Variants in ANKRD11 observed in about 807,000 individuals in gnomAD.
The protein encoded by ANKRD11 is ankyrin repeat domain 11, also known as ankyrin repeat domain-containing protein 11.
Under a neutral mutation model 195.7 loss-of-function variants are expected in ANKRD11, and 17 were observed. The observed-to-expected ratio is 0.09, with a 90% CI of 0.06 to 0.13. The LOEUF (loss-of-function observed/expected upper bound fraction) is 0.13, where lower values mean the gene tolerates loss of function less well. Among genes scored for constraint, ANKRD11 ranks in the 10% least tolerant of loss-of-function variants. ANKRD11 has a pLI of 1.00. For missense variants in ANKRD11, 3,735 were observed against 3,566.1 expected (o/e 1.05, Z -1.21); for synonymous variants, 1,953 against 1,528.1 (o/e 1.28, Z -6.49).
chr16:89,441,231 G>A (rs932562321), intron 1 of ANKRD11, among the ~76,000 whole-genome samples: 1 of 151,112 alleles, frequency 6.6e-6, no homozygotes. Context: ...GTGAGACTCC[G>A]TCTCAAAAAA....
chr16:89,489,219 ACACACACGCG>A (rs2057721589), intron 1 of ANKRD11: 2 of 107,032 alleles, frequency 1.9e-5, no homozygotes, highest in Non-Finnish European at 4.2e-5. Flanking sequence ...CTACACACAC[ACACACACGCG>A]CGCGCGCGCG....
chr16:89,299,733 G>A (rs1320642205), intron 4 of ANKRD11: 14 of 185,722 alleles, frequency 7.5e-5, no homozygotes, highest in Non-Finnish European at 8.2e-5. Context: ...TGTGGGATGC[G>A]TGGGGTCTGT....
chr16:89,413,263 G>A lies in ANKRD11; in HGVS notation c.-60+5021C>T, dbSNP rs572843823. Among the ~76,000 whole-genome samples the A allele has an allele frequency of 8.5e-5, 13 of 152,260 alleles. No homozygotes were observed. The South Asian group carries it at 1.9e-3, about 22-fold the overall frequency. ...TTATTTATCTTGGCATAATTACTAC[G>A]CATATTTTTTTGATAATAATGGAAG... On this transcript the variant is annotated intron_variant, in intron 2 of 12. Transcript: ENST00000301030.
intron 1 of ANKRD11, among the ~76,000 whole-genome samples, chr16:89,438,164 C>T (rs1359115796): frequency 2.0e-5 from 3 of 152,152 alleles, no homozygotes; most frequent in Non-Finnish European, 2.9e-5. Flanking sequence ...GAGGCTGGCA[C>T]AACTGGTGTC....
At chr16:89,418,143 C>A (rs979221398) in intron 2 of ANKRD11, 141 bp downstream of exon 2, 2 of 392,058 alleles carry the variant, frequency 5.1e-6, no homozygotes, top group African/African-American at 2.0e-5. Flanking sequence ...AAGTGAAATC[C>A]AGAACAAAAT....
chr16:89,290,215 G>A lies in ANKRD11; in HGVS notation c.601+410C>T, dbSNP rs573387739. Among the ~76,000 whole-genome samples the A allele has an allele frequency of 8.6e-5, 13 of 150,308 alleles. No homozygotes were observed. The South Asian group carries it at 2.1e-3, about 25-fold the overall frequency. ...CCATCCAACCCGATGGGAGGCTCACGGCTCCAATGGGGGAGGCTCAGGGCT... is the reference window on the plus strand; with the variant it reads ...CCATCCAACCCGATGGGAGGCTCACAGCTCCAATGGGGGAGGCTCAGGGCT... On this transcript the variant is annotated intron_variant, in intron 6 of 12. Transcript: ENST00000301030.
intron 2 of ANKRD11, among the ~76,000 whole-genome samples, chr16:89,344,301 T>C (rs775122305): frequency 6.6e-4 from 101 of 152,274 alleles, no homozygotes; most frequent in Non-Finnish European, 2.5e-4. Flanking sequence ...AGCTAACAGA[T>C]GGTATTATTT....
chr16:89,388,137 A>G (rs952050637), intron 2 of ANKRD11, among the ~76,000 whole-genome samples: 2 of 152,116 alleles, frequency 1.3e-5, no homozygotes, highest in Admixed American at 1.3e-4. Context: ...TAATGCTAAC[A>G]TCATACATAA....
intron 2 of ANKRD11, among the ~76,000 whole-genome samples, chr16:89,336,284 G>A (rs1401565482): frequency 6.6e-6 from 1 of 152,150 alleles, no homozygotes; most frequent in East Asian, 1.9e-4. Context: ...CAGGTGCCGG[G>A]GAGCAGCCAC....
intron 2 of ANKRD11, among the ~76,000 whole-genome samples, chr16:89,319,809 T>A (rs2037194770): frequency 6.6e-6 from 1 of 152,226 alleles, no homozygotes; most frequent in Non-Finnish European, 1.5e-5. Flanking sequence ...TCTAGAGTCT[T>A]TTTCAATGAG....
At chr16:89,268,773 A>C in intron 12 of ANKRD11, 110 bp from the exon 13 acceptor site, 1 of 1,304,780 alleles carries the variant, frequency 7.7e-7, no homozygotes. Flanking sequence ...CCGTGAACCT[A>C]CCCTGGTATG....
At chr16:89,306,880 A>ACAGACACGCGCCACCTACCTCCCACTCCG (rs2036307010) in intron 3 of ANKRD11, among the ~76,000 whole-genome samples, 2 of 63,610 alleles carry the variant, frequency 3.1e-5, no homozygotes, top group Non-Finnish European at 6.4e-5. Context: ...CTCCCACTCC[A>ACAGACACGCGCCACCTACCTCCCACTCCG]CAGACACGCG....
At chr16:89,384,123 G>C (rs763719705) in intron 2 of ANKRD11, among the ~76,000 whole-genome samples, 7 of 152,216 alleles carry the variant, frequency 4.6e-5, no homozygotes, top group Non-Finnish European at 1.0e-4. Flanking sequence ...AGGAGGCCGA[G>C]GCAGGGAGAG....
intron 1 of ANKRD11, among the ~76,000 whole-genome samples, chr16:89,435,201 C>G (rs2043161292): frequency 6.6e-6 from 1 of 152,196 alleles, no homozygotes; most frequent in Admixed American, 6.5e-5. Flanking sequence ...AATCAGCACT[C>G]TGTGTCTAGC....
intron 2 of ANKRD11, among the ~76,000 whole-genome samples, chr16:89,343,246 G>A (rs549189783): frequency 2.0e-5 from 3 of 152,290 alleles, no homozygotes; most frequent in Admixed American, 1.3e-4. Flanking sequence ...ACCCAGCTCG[G>A]CCTCCCGAAG....
At chr16:89,333,573 C>T (rs2038179591) in intron 2 of ANKRD11, among the ~76,000 whole-genome samples, 2 of 152,222 alleles carry the variant, frequency 1.3e-5, no homozygotes, top group Non-Finnish European at 2.9e-5. Context: ...GTGCTGTCTG[C>T]ACAGTTTTGC....
In ANKRD11 at chr16:89,282,657, G is replaced by T. The variant is rs147981590; in HGVS notation, c.3885C>A (p.Asp1295Glu). The stretch of plus-strand genomic sequence containing the variant: ...AGACCTCGCTGATTTTATCGTTGGA[G>T]TCTTCTCTGTACTCATGGAGAGCCT... ...EEEALHEYREDSNDKISEVSS... is the reference protein window; with the variant it reads ...EEEALHEYREESNDKISEVSS... Residue 1295 changes from aspartate to glutamate, a missense_variant, in exon 9 of 13, where the codon GAC (aspartate) becomes GAA (glutamate). Physicochemically the swap from Asp to Glu is conservative, Grantham distance 45. Transcript: ENST00000301030. The T allele has an allele frequency of 1.2e-6, 2 of 1,614,084 alleles. No individual in the cohort carries two copies. The highest frequency in any genetic ancestry group is 3.3e-5 in the Admixed American group (2 of 60,002).
intron 2 of ANKRD11, among the ~76,000 whole-genome samples, chr16:89,317,622 G>C (rs879735545): frequency 6.6e-6 from 1 of 152,164 alleles, no homozygotes; most frequent in South Asian, 2.1e-4. Flanking sequence ...TAGGCAAGGG[G>C]TGTCTCTGAG....
chr16:89,329,659 T>A (rs1357660402), intron 2 of ANKRD11, among the ~76,000 whole-genome samples: 2 of 152,204 alleles, frequency 1.3e-5, no homozygotes, highest in African/African-American at 4.8e-5. Context: ...GAGGTAAGCT[T>A]CCTTTCATAA....
Sources: gnomAD v4.1 joint callset for allele counts (sites outside exome capture counted in the v4.1 genomes callset) on GRCh38, gnomAD v4.1.1 for gene constraint, MANE v1.5 for transcripts, NCBI Gene and HGNC (gene_info 2026-07-23, HGNC 2026-07-21) for gene names.